ADGRB3: variants seen among roughly 807,000 people sequenced by gnomAD.
ADGRB3 encodes adhesion G protein-coupled receptor B3, also known as brain-specific angiogenesis inhibitor 3.
A neutral mutation model predicts 193.4 loss-of-function variants in ADGRB3; 37 were observed. The ratio of observed to expected loss-of-function variants is 0.19; its 90% confidence interval spans 0.15 to 0.25. The LOEUF is 0.25. Ranked by LOEUF, ADGRB3 falls within the 10% of genes least tolerant of loss-of-function variation. The pLI is 1.00. For missense variants in ADGRB3, 1,637 were observed against 1,852.9 expected, an observed-to-expected ratio of 0.88 and a Z score of 2.14; for synonymous variants, 690 against 644.2, an observed-to-expected ratio of 1.07 and a Z score of -1.08.
chr6:68,927,585 A>G (rs1326976530), intron 3 of ADGRB3, among the ~76,000 whole-genome samples: 1 of 152,150 alleles, frequency 6.6e-6, no homozygotes, highest in East Asian at 1.9e-4. Context: ...GTTAATAGCA[A>G]CTCTAAAACA....
chr6:69,165,393 G>A (rs314216), intron 17 of ADGRB3, among the ~76,000 whole-genome samples: 11,695 of 151,846 alleles, frequency 0.077, 646 homozygotes, highest in Non-Finnish European at 0.11. Context: ...ATCTTCTCCC[G>A]CGGCAGCCAT....
At chr6:69,061,170 A>G (rs1214517252) in intron 15 of ADGRB3, among the ~76,000 whole-genome samples, 4 of 151,732 alleles carry the variant, frequency 2.6e-5, no homozygotes, top group Non-Finnish European at 5.9e-5. Flanking sequence ...TTAACTCTTT[A>G]CTCTTAGGCT....
intron 3 of ADGRB3, among the ~76,000 whole-genome samples, chr6:68,650,799 G>T (rs1768346611): frequency 6.6e-6 from 1 of 151,592 alleles, no homozygotes; most frequent in African/African-American, 2.4e-5. Context: ...TTGTCCATTT[G>T]TTGCTTTTCA....
intron 29 of ADGRB3, among the ~76,000 whole-genome samples, chr6:69,366,826 C>T (rs535831425): frequency 8.5e-5 from 13 of 152,086 alleles, no homozygotes; most frequent in Non-Finnish European, 1.6e-4. Context: ...TGTCGTGCAG[C>T]TCTTTTAATC....
chr6:68,846,024 C>A (rs555587291), intron 3 of ADGRB3, among the ~76,000 whole-genome samples: 1 of 152,190 alleles, frequency 6.6e-6, no homozygotes, highest in South Asian at 2.1e-4. Context: ...AAAGTAAGGT[C>A]CAGGCTGAAG....
chr6:68,780,635 C>A (rs1766834905), intron 3 of ADGRB3, among the ~76,000 whole-genome samples: 2 of 152,106 alleles, frequency 1.3e-5, no homozygotes, highest in African/African-American at 4.8e-5. Flanking sequence ...AGGCTATAAA[C>A]TTTGTACTTC....
At chr6:69,267,340 C>T (rs538655615) in intron 20 of ADGRB3, among the ~76,000 whole-genome samples, 32 of 152,106 alleles carry the variant, frequency 2.1e-4, no homozygotes, top group African/African-American at 7.7e-4. Context: ...GTGTCAAAAC[C>T]CTTTAAGCCA....
chr6:68,825,187 T>C (rs753929096), intron 3 of ADGRB3, among the ~76,000 whole-genome samples: 3 of 152,128 alleles, frequency 2.0e-5, no homozygotes, highest in Non-Finnish European at 4.4e-5. Flanking sequence ...TACTTATGCT[T>C]TAATTTTTTT....
At chr6:68,799,236 G>A (rs1582211339) in intron 3 of ADGRB3, among the ~76,000 whole-genome samples, 1 of 152,088 alleles carries the variant, frequency 6.6e-6, no homozygotes, top group East Asian at 1.9e-4. Context: ...CACTGTAACA[G>A]TGCCATAAGG....
At chr6:69,230,695 A>G (rs535413580) in intron 17 of ADGRB3, among the ~76,000 whole-genome samples, 1 of 152,364 alleles carries the variant, frequency 6.6e-6, no homozygotes, top group East Asian at 1.9e-4. Context: ...TCAGAATGAT[A>G]TCACACATCT....
intron 5 of ADGRB3, among the ~76,000 whole-genome samples, chr6:68,937,954 A>G (rs1239574939): frequency 6.6e-6 from 1 of 152,174 alleles, no homozygotes; most frequent in African/African-American, 2.4e-5. Flanking sequence ...GACAGTGTGG[A>G]GGAAATAAAA....
chr6:68,754,363 C>T (rs1349916942), intron 3 of ADGRB3, among the ~76,000 whole-genome samples: 1 of 152,096 alleles, frequency 6.6e-6, no homozygotes, highest in African/African-American at 2.4e-5. Flanking sequence ...TAAAGGGGAT[C>T]ACCAAGTGTA....
chr6:68,654,219 C>A (rs1022968051), intron 3 of ADGRB3, among the ~76,000 whole-genome samples: 1 of 151,816 alleles, frequency 6.6e-6, no homozygotes, highest in Non-Finnish European at 1.5e-5. Flanking sequence ...CCCTCAGAGG[C>A]GGGAGAGGAA....
At chr6:69,374,682 A>G (rs2127342151) in intron 30 of ADGRB3, among the ~76,000 whole-genome samples, 1 of 152,222 alleles carries the variant, frequency 6.6e-6, no homozygotes, top group Non-Finnish European at 1.5e-5. Flanking sequence ...GAAACTATAC[A>G]GAAAATACTG....
At chr6:69,063,442 A>G (rs973744828) in intron 16 of ADGRB3, among the ~76,000 whole-genome samples, 1 of 152,102 alleles carries the variant, frequency 6.6e-6, no homozygotes, top group African/African-American at 2.4e-5. Flanking sequence ...GTATACAATT[A>G]TCCAAAGCAT....
chr6:68,894,973 T>C (rs940011830), intron 3 of ADGRB3, among the ~76,000 whole-genome samples: 8 of 151,772 alleles, frequency 5.3e-5, no homozygotes, highest in African/African-American at 1.7e-4. Flanking sequence ...AGCATCATAG[T>C]TGAAAAAAAA....
chr6:69,273,767 T>C (rs949783587), intron 20 of ADGRB3, among the ~76,000 whole-genome samples: 14 of 152,194 alleles, frequency 9.2e-5, no homozygotes, highest in Non-Finnish European at 2.1e-4. Context: ...TCAGATGCAA[T>C]GTGGTTCTAC....
At position 68,975,132 on chromosome 6, in the gene ADGRB3, G is replaced by T. The variant is rs1562107089; in HGVS notation, c.1628-102G>T. 4.3e-6 allele frequency: 4 copies of T among 938,666 alleles called. No individual in the cohort carries two copies. In the South Asian group the frequency reaches 6.9e-5, roughly 16 times the overall value. 58.1% of individuals were successfully genotyped at this position (938,666 alleles called of 1,614,324 possible). On this transcript the variant is annotated intron_variant, in intron 9 of 31. Coordinates refer to ENST00000370598, the MANE Select transcript of ADGRB3 (RefSeq NM_001704.3). Reference sequence around the variant, plus strand: ...CAATTTCATGTGCATGTTTTTTAAAGAAAAAAAGTACAAACTTAATTTTTA... The same window carrying T: ...CAATTTCATGTGCATGTTTTTTAAATAAAAAAAGTACAAACTTAATTTTTA...
intron 6 of ADGRB3, among the ~76,000 whole-genome samples, chr6:68,947,933 G>A (rs1026920852): frequency 6.6e-6 from 1 of 152,082 alleles, no homozygotes; most frequent in Non-Finnish European, 1.5e-5. Flanking sequence ...AACTAACATA[G>A]GGAACTGTGG....
Sources: gnomAD v4.1 joint callset for allele counts (sites outside exome capture counted in the v4.1 genomes callset) on GRCh38, gnomAD v4.1.1 for gene constraint, MANE v1.5 for transcripts, NCBI Gene and HGNC (gene_info 2026-07-23, HGNC 2026-07-21) for gene names.